Variants in PTPRD observed in about 807,000 individuals in gnomAD.
PTPRD encodes the protein protein tyrosine phosphatase receptor type D, also known as receptor-type tyrosine-protein phosphatase delta.
In PTPRD, 34 loss-of-function variants were observed where a neutral mutation model predicts 214.5. The observed-to-expected ratio is 0.16, with a 90% CI of 0.12 to 0.21. The LOEUF (loss-of-function observed/expected upper bound fraction) is 0.21, where lower values mean the gene tolerates loss of function less well. Ranked by LOEUF, PTPRD falls within the 10% of genes least tolerant of loss-of-function variation. PTPRD has a pLI of 1.00. For synonymous variants in PTPRD, 1,128 were observed against 845.7 expected, an observed-to-expected ratio of 1.33 and a Z score of -5.79; for missense variants, 2,545 against 2,398.7, an observed-to-expected ratio of 1.06 and a Z score of -1.27.
At chr9:10,129,677 G>A (rs2098845150) in intron 3 of PTPRD, among the ~76,000 whole-genome samples, 2 of 151,892 alleles carry the variant, frequency 1.3e-5, no homozygotes, top group Non-Finnish European at 2.9e-5. Context: ...TTCTTGGTCA[G>A]TATGCAAGCT....
intron 4 of PTPRD, among the ~76,000 whole-genome samples, chr9:9,947,672 TA>T: frequency 9.0e-6 from 1 of 111,720 alleles, no homozygotes; most frequent in East Asian, 2.7e-4. Context: ...ATGTAGGTAG[TA>T]AAAGGTCAAG....
At chr9:10,215,363 T>A (rs1594453637) in intron 3 of PTPRD, among the ~76,000 whole-genome samples, 1 of 152,122 alleles carries the variant, frequency 6.6e-6, no homozygotes, top group Middle Eastern at 3.4e-3. Context: ...ATATTAGACA[T>A]TTTACAAAAG....
intron 4 of PTPRD, among the ~76,000 whole-genome samples, chr9:10,033,494 A>C (rs903616371): frequency 1.3e-5 from 2 of 151,922 alleles, no homozygotes; most frequent in Non-Finnish European, 2.9e-5. Context: ...CCAGCACATA[A>C]TTTTTGTTTT....
chr9:9,939,254 T>C (rs1351587179), intron 4 of PTPRD, among the ~76,000 whole-genome samples: 4 of 152,162 alleles, frequency 2.6e-5, no homozygotes, highest in Non-Finnish European at 5.9e-5. Flanking sequence ...ATGAATGGAA[T>C]GTGCCAGGTA....
At chr9:9,329,961 G>A (rs2041690075) in intron 9 of PTPRD, among the ~76,000 whole-genome samples, 1 of 152,166 alleles carries the variant, frequency 6.6e-6, no homozygotes, top group Non-Finnish European at 1.5e-5. Flanking sequence ...ATGGGTAAGA[G>A]AAGGTGGCTT....
intron 3 of PTPRD, among the ~76,000 whole-genome samples, chr9:10,276,314 T>C (rs2094687596): frequency 6.6e-6 from 1 of 152,188 alleles, no homozygotes; most frequent in Non-Finnish European, 1.5e-5. Context: ...ATCCTGCACA[T>C]TCCTTCCTTT....
At chr9:8,643,955 C>CATATGGGA (rs2096632694) in intron 12 of PTPRD, among the ~76,000 whole-genome samples, 1 of 152,126 alleles carries the variant, frequency 6.6e-6, no homozygotes, top group Non-Finnish European at 1.5e-5. Flanking sequence ...GGCTGTCAGC[C>CATATGGGA]CCACAGACCA....
chr9:10,418,170 A>G (rs1289180984), intron 2 of PTPRD, among the ~76,000 whole-genome samples: 1 of 151,876 alleles, frequency 6.6e-6, no homozygotes, highest in Non-Finnish European at 1.5e-5. Context: ...GTATAATTAT[A>G]AACCTTTGAA....
At chr9:9,856,716 G>A (rs1419365082) in intron 5 of PTPRD, among the ~76,000 whole-genome samples, 1 of 152,044 alleles carries the variant, frequency 6.6e-6, no homozygotes, top group African/African-American at 2.4e-5. Flanking sequence ...ATTTTCTGAT[G>A]GACCCTGCAG....
At chr9:9,054,714 A>G (rs1466184795) in intron 10 of PTPRD, among the ~76,000 whole-genome samples, 1 of 152,192 alleles carries the variant, frequency 6.6e-6, no homozygotes, top group African/African-American at 2.4e-5. Context: ...CATTGATCAT[A>G]TACTGGTGTG....
At chr9:8,711,693 G>A (rs1170926649) in intron 12 of PTPRD, among the ~76,000 whole-genome samples, 3 of 152,148 alleles carry the variant, frequency 2.0e-5, no homozygotes, top group Non-Finnish European at 2.9e-5. Flanking sequence ...TGGTTGGGAG[G>A]TGGGCCCAGG....
intron 9 of PTPRD, among the ~76,000 whole-genome samples, chr9:9,266,332 G>C (rs1286897566): frequency 6.6e-6 from 1 of 151,136 alleles, no homozygotes. Flanking sequence ...ACCCCATTTT[G>C]AGCAATAAAT....
At chr9:9,650,295 T>C (rs2096302009) in intron 7 of PTPRD, among the ~76,000 whole-genome samples, 1 of 152,190 alleles carries the variant, frequency 6.6e-6, no homozygotes, top group Non-Finnish European at 1.5e-5. Context: ...ATTAAACTTA[T>C]TTTCTTTATA....
chr9:9,946,715 A>T (rs1305770685), intron 4 of PTPRD, among the ~76,000 whole-genome samples: 1 of 152,156 alleles, frequency 6.6e-6, no homozygotes, highest in Admixed American at 6.6e-5. Context: ...CGCACAATAC[A>T]GAGACCCTCT....
At chr9:10,476,300 A>ATCAATTTGCAAAAATCACAAG (rs1273815977) in intron 2 of PTPRD, among the ~76,000 whole-genome samples, 6 of 152,182 alleles carry the variant, frequency 3.9e-5, no homozygotes, top group African/African-American at 1.4e-4. Context: ...AGGACACAAA[A>ATCAATTTGCAAAAATCACAAG]TCAATTTGCA....
intron 7 of PTPRD, among the ~76,000 whole-genome samples, chr9:9,593,476 T>C (rs1180613101): frequency 1.4e-4 from 21 of 151,978 alleles, no homozygotes; most frequent in Admixed American, 1.3e-3. Flanking sequence ...TTTTATAGCC[T>C]ATAGAAGACA....
rs147741090 is a variant in PTPRD at position 8,621,913 on chromosome 9, T to C, written c.352+11404A>G. Reference sequence around the variant, plus strand: ...AGTGTTCCTGTTTTGGAGTACAGTATATGCTAATGGCCTTTCCTCAAGGGT... The same window carrying C: ...AGTGTTCCTGTTTTGGAGTACAGTACATGCTAATGGCCTTTCCTCAAGGGT... On this transcript the variant is annotated intron_variant, in intron 14 of 45. Coordinates refer to ENST00000381196, the MANE Select transcript of PTPRD (RefSeq NM_002839.4). Among the ~76,000 whole-genome samples, 172 of 152,090 alleles carry C rather than the reference T, an allele frequency of 1.1e-3. 2 individuals carry two copies. In the East Asian group the frequency reaches 0.029, roughly 26 times the overall value.
rs148981277 is a variant in PTPRD at position 9,248,871 on chromosome 9, C to T, written c.-202-65508G>A. 3.3e-5 allele frequency among the ~76,000 whole-genome samples: 5 copies of T among 152,106 alleles called. No individual in the cohort carries two copies. The East Asian group carries it at 9.7e-4, about 30-fold the overall frequency. On this transcript the variant is annotated intron_variant, in intron 9 of 45. Transcript: ENST00000381196. ...GTAGCTCAGAAAGAGAGTGGGTTAACTGGAGAGATTTCTACTCTAAAGAAT... is the reference window on the plus strand; with the variant it reads ...GTAGCTCAGAAAGAGAGTGGGTTAATTGGAGAGATTTCTACTCTAAAGAAT...
intron 8 of PTPRD, among the ~76,000 whole-genome samples, chr9:9,516,304 C>T (rs944395380): frequency 1.3e-5 from 2 of 151,972 alleles, no homozygotes; most frequent in Non-Finnish European, 2.9e-5. Context: ...AGCAGTGACA[C>T]CATTCAGCTT....
Sources: allele counts gnomAD v4.1 joint callset (sites outside exome capture counted in the v4.1 genomes callset), GRCh38; gene constraint gnomAD v4.1.1; transcripts MANE v1.5; gene names NCBI Gene and HGNC (gene_info 2026-07-23, HGNC 2026-07-21).